Variants in CNBD1 observed in about 807,000 individuals in gnomAD.
CNBD1 encodes the protein cyclic nucleotide-binding domain-containing protein 1.
A neutral mutation model predicts 54.4 loss-of-function variants in CNBD1; 71 were observed. The ratio of observed to expected loss-of-function variants is 1.30; its 90% CI spans 1.08 to 1.59. The LOEUF (loss-of-function observed/expected upper bound fraction) is 1.59. Among genes scored for constraint, CNBD1 ranks in the 40% most tolerant of loss-of-function variants. The pLI is 0.00. For synonymous variants in CNBD1, 182 were observed against 170.7 expected, an observed-to-expected ratio of 1.07 and a Z score of -0.51; for missense variants, 659 against 518.0, an observed-to-expected ratio of 1.27 and a Z score of -2.64.
intron 10 of CNBD1, among the ~76,000 whole-genome samples, chr8:87,357,265 G>T (rs1810438039): frequency 6.6e-6 from 1 of 152,028 alleles, no homozygotes. Flanking sequence ...ACTGTAAGAA[G>T]TGGGCTGCCA....
chr8:87,383,488 C>G (rs1280672933), downstream of CNBD1, among the ~76,000 whole-genome samples: 1 of 152,124 alleles, frequency 6.6e-6, no homozygotes, highest in African/African-American at 2.4e-5. Context: ...GTCATTCCCA[C>G]ATGGAGGAAA....
intron 1 of CNBD1, among the ~76,000 whole-genome samples, chr8:86,877,765 CTT>C (rs1237014364): frequency 6.6e-6 from 1 of 151,994 alleles, no homozygotes; most frequent in Non-Finnish European, 1.5e-5. Flanking sequence ...TGCATTATAT[CTT>C]TGAGCATTTT....
chr8:87,194,595 G>T (rs1233171064), intron 4 of CNBD1, among the ~76,000 whole-genome samples: 2 of 151,812 alleles, frequency 1.3e-5, no homozygotes, highest in Admixed American at 1.3e-4. Flanking sequence ...AAAATATAAG[G>T]CTTTAACCAT....
chr8:87,357,241 G>A (rs923407863), intron 10 of CNBD1, among the ~76,000 whole-genome samples: 20 of 152,142 alleles, frequency 1.3e-4, no homozygotes, highest in Admixed American at 6.6e-4. Flanking sequence ...CCCCATTGGG[G>A]CACTGCCTAG....
chr8:86,994,570 G>C (rs1440114012), intron 4 of CNBD1, among the ~76,000 whole-genome samples: 1 of 152,204 alleles, frequency 6.6e-6, no homozygotes, highest in Non-Finnish European at 1.5e-5. Context: ...GAGGGACACT[G>C]GTTCCCTTGT....
intron 6 of CNBD1, among the ~76,000 whole-genome samples, chr8:87,271,738 C>T (rs1321084833): frequency 1.3e-5 from 2 of 151,274 alleles, no homozygotes; most frequent in African/African-American, 2.4e-5. Flanking sequence ...CATATGCTCC[C>T]GCAATTCTAC....
chr8:86,900,997 G>T (rs1808924118), intron 2 of CNBD1, among the ~76,000 whole-genome samples: 1 of 152,230 alleles, frequency 6.6e-6, no homozygotes. Flanking sequence ...ATTGGCTAAT[G>T]AGCTTTGTCC....
chr8:87,381,060 G>A (rs1029470794), intron 10 of CNBD1, among the ~76,000 whole-genome samples: 7 of 151,972 alleles, frequency 4.6e-5, no homozygotes, highest in Admixed American at 6.6e-5. Context: ...ACTAGAAAAC[G>A]TTTGCACAGC....
chr8:87,321,036 G>T (rs754031843), intron 8 of CNBD1, among the ~76,000 whole-genome samples: 1 of 152,124 alleles, frequency 6.6e-6, no homozygotes, highest in African/African-American at 2.4e-5. Context: ...GAATATGAGA[G>T]TAATTCCTTC....
intron 4 of CNBD1, among the ~76,000 whole-genome samples, chr8:87,092,513 G>GTGTATGTGTGTGTATGTA (rs1811235030): frequency 2.1e-5 from 3 of 141,722 alleles, no homozygotes; most frequent in African/African-American, 8.8e-5. Flanking sequence ...ATGTGTGTGT[G>GTGTATGTGTGTGTATGTA]TGTATGTGTG....
At chr8:87,368,594 G>C (rs528721716) in intron 10 of CNBD1, among the ~76,000 whole-genome samples, 11 of 151,528 alleles carry the variant, frequency 7.3e-5, no homozygotes, top group African/African-American at 2.7e-4. Flanking sequence ...CTATGATCAA[G>C]CCACTTCACT....
At chr8:87,406,447 TAC>T (rs36222951) in intron 2 of CNBD1, among the ~76,000 whole-genome samples, 20,894 of 121,882 alleles carry the variant, frequency 0.17, 1,964 homozygotes, top group Non-Finnish European at 0.2. Context: ...TATGTGTGTA[TAC>T]ACACACACAC....
At chr8:87,261,629 G>T (rs1808142622) in intron 6 of CNBD1, among the ~76,000 whole-genome samples, 1 of 151,732 alleles carries the variant, frequency 6.6e-6, no homozygotes, top group South Asian at 2.1e-4. Context: ...TATTTGAACA[G>T]AATTTGAACA....
At chr8:87,361,721 A>G (rs1217226736) in intron 10 of CNBD1, among the ~76,000 whole-genome samples, 1 of 143,566 alleles carries the variant, frequency 7.0e-6, no homozygotes, top group African/African-American at 2.7e-5. Flanking sequence ...CTTGTTCACT[A>G]CATAGAAAAT....
chr8:87,063,525 T>C (rs1010770495), intron 4 of CNBD1, among the ~76,000 whole-genome samples: 21 of 152,120 alleles, frequency 1.4e-4, no homozygotes, highest in Admixed American at 1.1e-3. Flanking sequence ...CTCAGTTACT[T>C]AACTTTTTAA....
intron 4 of CNBD1, among the ~76,000 whole-genome samples, chr8:86,964,194 C>T (rs1808011925): frequency 1.1e-3 from 1 of 948 alleles, no homozygotes; most frequent in African/African-American, 9.1e-3. Context: ...GTGGGACTCT[C>T]ATCCAATCCC....
chr8:87,283,058 G>T (rs773815198), intron 6 of CNBD1, among the ~76,000 whole-genome samples: 26 of 151,920 alleles, frequency 1.7e-4, no homozygotes, highest in Non-Finnish European at 2.5e-4. Flanking sequence ...TTAGATATAT[G>T]CTAAATGGTC....
chr8:87,036,307 G>T (rs1181784069), intron 4 of CNBD1, among the ~76,000 whole-genome samples: 1 of 151,968 alleles, frequency 6.6e-6, no homozygotes, highest in Non-Finnish European at 1.5e-5. Context: ...AGTAAAGATT[G>T]GTCACGGCCA....
At chr8:87,049,714 T>A (rs1252605151) in intron 4 of CNBD1, among the ~76,000 whole-genome samples, 1 of 152,224 alleles carries the variant, frequency 6.6e-6, no homozygotes, top group Non-Finnish European at 1.5e-5. Context: ...GGCACATTTT[T>A]AACTGAACTG....
Sources: allele counts gnomAD v4.1 joint callset (sites outside exome capture counted in the v4.1 genomes callset), GRCh38; gene constraint gnomAD v4.1.1; transcripts MANE v1.5; gene names NCBI Gene and HGNC (gene_info 2026-07-23, HGNC 2026-07-21).